MORC1: variants seen among roughly 807,000 people sequenced by gnomAD.
MORC1 encodes the protein MORC family CW-type zinc finger 1, also known as MORC family CW-type zinc finger protein 1.
A neutral mutation model predicts 134.9 loss-of-function variants in MORC1; 59 were observed. That is an observed-to-expected ratio of 0.44 (90% CI 0.35 to 0.54). MORC1 has a LOEUF of 0.54. Ranked by LOEUF, MORC1 falls within the 20% of genes least tolerant of loss-of-function variation. MORC1 has a pLI of 0.00. For missense variants in MORC1, 947 were observed against 1,134.5 expected, an observed-to-expected ratio of 0.83 and a Z score of 2.37; for synonymous variants, 395 against 391.7, an observed-to-expected ratio of 1.01 and a Z score of -0.10.
intron 8 of MORC1, among the ~76,000 whole-genome samples, chr3:109,075,037 T>G (rs1337028045): frequency 6.6e-6 from 1 of 152,200 alleles, no homozygotes; most frequent in Non-Finnish European, 1.5e-5. Flanking sequence ...TCTCTTCAAT[T>G]TGCTCCTACA....
intron 4 of MORC1, among the ~76,000 whole-genome samples, chr3:109,101,205 G>A (rs1950919420): frequency 6.6e-6 from 1 of 152,088 alleles, no homozygotes; most frequent in African/African-American, 2.4e-5. Context: ...GCACTTGGTG[G>A]GTGTTACCAA....
chr3:109,004,894 A>G lies in MORC1; in HGVS notation c.2014-6T>C. On this transcript the variant is annotated splice_region_variant and splice_polypyrimidine_tract_variant and intron_variant, in intron 19 of 27. Coordinates refer to ENST00000232603, the MANE Select transcript of MORC1 (RefSeq NM_014429.4). ...ATATTAGCAATCTGACTTCTCTTTCAAAACAGAGAATACAGAAAAAAAAAT... is the reference window on the plus strand; with the variant it reads ...ATATTAGCAATCTGACTTCTCTTTCGAAACAGAGAATACAGAAAAAAAAAT... 1 of 1,611,998 alleles carries G rather than the reference A, an allele frequency of 6.2e-7. No individual in the cohort carries two copies. Among genetic ancestry groups the G allele is most frequent in the Non-Finnish European group, 8.5e-7 (1 of 1,179,364 alleles).
intron 9 of MORC1, 67 bp downstream of exon 9, chr3:109,069,565 A>C (rs550733370): frequency 7.0e-7 from 1 of 1,435,596 alleles, no homozygotes; most frequent in African/African-American, 1.4e-5. Flanking sequence ...CACTTTGACA[A>C]CTTTGGGGAG....
intron 26 of MORC1, among the ~76,000 whole-genome samples, chr3:108,966,258 T>C (rs779430015): frequency 1.4e-4 from 21 of 152,328 alleles, no homozygotes; most frequent in Non-Finnish European, 2.9e-4. Flanking sequence ...AAAGAAAGGA[T>C]ATTTAACTGA....
intron 2 of MORC1, among the ~76,000 whole-genome samples, chr3:109,111,365 G>A (rs898064286): frequency 5.9e-5 from 9 of 152,086 alleles, no homozygotes; most frequent in African/African-American, 2.2e-4. Context: ...GCACTACAGT[G>A]GCAGAGTTGA....
intron 11 of MORC1, among the ~76,000 whole-genome samples, chr3:109,060,621 A>G (rs139583009): frequency 6.6e-6 from 1 of 152,280 alleles, no homozygotes; most frequent in Non-Finnish European, 1.5e-5. Flanking sequence ...AAGAAAGTGG[A>G]AAATGGTTGG....
intron 27 of MORC1, among the ~76,000 whole-genome samples, chr3:108,962,475 G>A (rs1229678466): frequency 6.6e-6 from 1 of 152,066 alleles, no homozygotes; most frequent in Non-Finnish European, 1.5e-5. Flanking sequence ...CGAGTTTCTT[G>A]TCTCTCCCTA....
At position 109,098,018 on chromosome 3, in the gene MORC1, C is replaced by T. The variant is rs148273482; in HGVS notation, c.423+1340G>A. Among the ~76,000 whole-genome samples, 11 of 152,280 alleles carry T rather than the reference C, an allele frequency of 7.2e-5. No individual in the cohort carries two copies. In the East Asian group the frequency reaches 2.1e-3, roughly 29 times the overall value. ...TAGATAAAATCAAGAAGTAGCAATA[C>T]AGGCATGCTATTTAGAGATACATAG... On this transcript the variant is annotated intron_variant, in intron 6 of 27. Coordinates refer to ENST00000232603, the MANE Select transcript of MORC1 (RefSeq NM_014429.4).
chr3:109,034,584 G>A (rs934012387), intron 15 of MORC1, among the ~76,000 whole-genome samples: 2 of 152,172 alleles, frequency 1.3e-5, no homozygotes, highest in South Asian at 4.2e-4. Flanking sequence ...TGATTCAGTT[G>A]TCAGTTACTA....
intron 17 of MORC1, among the ~76,000 whole-genome samples, chr3:109,024,643 G>A (rs3804690): frequency 0.12 from 18,088 of 152,174 alleles, 1,156 homozygotes; most frequent in Non-Finnish European, 0.14. Context: ...CACAGGTCTG[G>A]TCAATGGATA....
chr3:108,991,545 G>A (rs1381318994), intron 21 of MORC1, among the ~76,000 whole-genome samples: 1 of 152,114 alleles, frequency 6.6e-6, no homozygotes, highest in African/African-American at 2.4e-5. Flanking sequence ...AGCCTTCTAT[G>A]TCTCAACTCT....
At chr3:108,982,708 A>G (rs1394676699) in intron 23 of MORC1, among the ~76,000 whole-genome samples, 1 of 143,408 alleles carries the variant, frequency 7.0e-6, no homozygotes, top group African/African-American at 2.6e-5. Flanking sequence ...GTGCACATGT[A>G]CCCTAGAACT....
At position 109,000,068 on chromosome 3, in the gene MORC1, A is replaced by G. The variant is rs937157354; in HGVS notation, c.2187+489T>C. ...ATGTATTCTTTGATATCAACTATCA[A>G]GTTAGAAATACGAACATATTATTTA... is the stretch of plus-strand genomic sequence containing the variant. On this transcript the variant is annotated intron_variant, in intron 21 of 27. Transcript: ENST00000232603. 2.6e-5 allele frequency among the ~76,000 whole-genome samples: 4 copies of G among 152,338 alleles called. No homozygotes were observed. In the East Asian group the frequency reaches 5.8e-4, roughly 22 times the overall value.
intron 24 of MORC1, among the ~76,000 whole-genome samples, chr3:108,972,957 A>G (rs1490089069): frequency 6.6e-6 from 1 of 152,218 alleles, no homozygotes; most frequent in Non-Finnish European, 1.5e-5. Context: ...GGGGTGAGAA[A>G]AAGTTCTGGA....
intron 17 of MORC1, among the ~76,000 whole-genome samples, chr3:109,017,758 T>TATC (rs1321201365): frequency 1.3e-5 from 2 of 152,212 alleles, no homozygotes; most frequent in East Asian, 1.9e-4. Context: ...CATCTTTTTT[T>TATC]ATCATCATCA....
intron 26 of MORC1, among the ~76,000 whole-genome samples, chr3:108,965,819 A>C (rs1205821568): frequency 6.6e-6 from 1 of 152,174 alleles, no homozygotes; most frequent in Non-Finnish European, 1.5e-5. Context: ...GAAAGAAAGA[A>C]GCAAAAACAA....
rs1348657245 is a variant in MORC1, at chr3:108,969,740, A to G, written c.2551-18T>C. The G allele has an allele frequency of 2.5e-6, 4 of 1,610,746 alleles. No homozygotes were observed. Among genetic ancestry groups the G allele is most frequent in the Non-Finnish European group, 3.4e-6 (4 of 1,177,132 alleles). ...TGCTCCAGCTGTTTTCATAAATGAT[A>G]ATAGAACAGGATATTAGCTTTTAGA... On this transcript the variant is annotated intron_variant, in intron 25 of 27. Transcript: ENST00000232603.
intron 8 of MORC1, among the ~76,000 whole-genome samples, chr3:109,083,967 T>C (rs1158981202): frequency 6.6e-6 from 1 of 152,014 alleles, no homozygotes; most frequent in South Asian, 2.1e-4. Context: ...CATCCCTTTA[T>C]GATAAAAACC....
At chr3:108,994,639 G>C (rs1482873066) in intron 21 of MORC1, among the ~76,000 whole-genome samples, 2 of 152,018 alleles carry the variant, frequency 1.3e-5, no homozygotes, top group Non-Finnish European at 2.9e-5. Context: ...GGTTTGGAGA[G>C]TGTGTTCCTC....
Sources: gnomAD v4.1 joint callset for allele counts (sites outside exome capture counted in the v4.1 genomes callset) on GRCh38, gnomAD v4.1.1 for gene constraint, MANE v1.5 for transcripts, NCBI Gene and HGNC (gene_info 2026-07-23, HGNC 2026-07-21) for gene names.